BCAS4: variants seen among roughly 807,000 people sequenced by gnomAD.
BCAS4 encodes breast carcinoma amplified sequence 4.
In BCAS4, 9 loss-of-function variants were observed where a neutral mutation model predicts 15.7. That is an observed-to-expected ratio of 0.57 (90% confidence interval 0.34 to 1.00). BCAS4 has a LOEUF of 1.00. Ranked by LOEUF, BCAS4 falls within the 50% of genes least tolerant of loss-of-function variation. The pLI, the probability that BCAS4 is intolerant of heterozygous loss-of-function variation, is 0.02. For synonymous variants in BCAS4, 101 were observed against 99.5 expected, an observed-to-expected ratio of 1.02 and a Z score of -0.09; for missense variants, 225 against 239.1, an observed-to-expected ratio of 0.94 and a Z score of 0.39.
chr20:50,817,748 C>T lies in BCAS4; in HGVS notation c.91-463C>T, dbSNP rs554667083. ...TTTTGGTATGGTTTGTATCTGACACCGTCTGCAGCTTGCTTTTCCTCTCCG... is the reference window on the plus strand; with the variant it reads ...TTTTGGTATGGTTTGTATCTGACACTGTCTGCAGCTTGCTTTTCCTCTCCG... On this transcript the variant is annotated intron_variant, in intron 1 of 4. Coordinates refer to ENST00000371608, the MANE Select transcript of BCAS4 (RefSeq NM_198799.4). 2.0e-5 allele frequency among the ~76,000 whole-genome samples: 3 copies of T among 152,094 alleles called. No individual in the cohort carries two copies. The East Asian group carries it at 5.8e-4, about 30-fold the overall frequency.
intron 3 of BCAS4, among the ~76,000 whole-genome samples, chr20:50,837,856 G>T (rs1261900301): frequency 6.6e-6 from 1 of 152,246 alleles, no homozygotes; most frequent in African/African-American, 2.4e-5. Flanking sequence ...CTGGAGGAAG[G>T]GGAGTCGGCA....
intron 1 of BCAS4, among the ~76,000 whole-genome samples, chr20:50,807,458 T>A (rs1600848281): frequency 6.6e-6 from 1 of 152,346 alleles, no homozygotes; most frequent in East Asian, 1.9e-4. Context: ...CCTTCCAAAG[T>A]GCTGGGATTA....
chr20:50,810,757 A>C (rs111629477), intron 1 of BCAS4, among the ~76,000 whole-genome samples: 6,824 of 151,824 alleles, frequency 0.045, 230 homozygotes, highest in African/African-American at 0.093. Context: ...CGCCCGGCTA[A>C]TTTTTTGTAT....
In BCAS4 at chr20:50,851,073, TG is replaced by T. The variant is rs11475428; in HGVS notation, c.399+9179del. Reference sequence around the variant, plus strand: ...CCTTCCTGTCCAGCCCTGCAAGTGGTGGGGGGTGCTGGGTCTCTCCCCTGCA... The same window carrying T: ...CCTTCCTGTCCAGCCCTGCAAGTGGTGGGGGTGCTGGGTCTCTCCCCTGCA... On this transcript the variant is annotated intron_variant, in intron 4 of 4. Coordinates refer to ENST00000371608, the MANE Select transcript of BCAS4 (RefSeq NM_198799.4). The surrounding 1 kb of genome is among the most constrained non-coding windows in gnomAD (Gnocchi z 4.3). Among the ~76,000 whole-genome samples, 151,822 of 151,822 alleles carry T rather than the reference TG, an allele frequency of 1. 75,911 individuals are homozygous for T. Among genetic ancestry groups the T allele is most frequent in the Non-Finnish European group, 1 (67,964 of 67,964 alleles).
chr20:50,867,301 C>T (rs1273747776), intron 4 of BCAS4, among the ~76,000 whole-genome samples: 1 of 152,118 alleles, frequency 6.6e-6, no homozygotes, highest in South Asian at 2.1e-4. Flanking sequence ...CTCAGACCTG[C>T]CTGTTTTGTT....
At chr20:50,873,575 C>T (rs991334134) in intron 4 of BCAS4, among the ~76,000 whole-genome samples, 1 of 152,244 alleles carries the variant, frequency 6.6e-6, no homozygotes. Flanking sequence ...GGTGAAATTC[C>T]ACACCTGTGG....
chr20:50,797,387 A>G (rs1600840100), intron 1 of BCAS4, among the ~76,000 whole-genome samples: 1 of 152,212 alleles, frequency 6.6e-6, no homozygotes, highest in South Asian at 2.1e-4. Context: ...TGTGAATTAT[A>G]TCTCAATTTA....
chr20:50,870,403 G>C (rs1979578155), intron 4 of BCAS4, among the ~76,000 whole-genome samples: 1 of 152,224 alleles, frequency 6.6e-6, no homozygotes, highest in Admixed American at 6.5e-5. Context: ...CTGACTGGGG[G>C]GCTTCAGAGG....
chr20:50,821,686 C>G (rs1366499710), intron 2 of BCAS4, among the ~76,000 whole-genome samples: 1 of 152,214 alleles, frequency 6.6e-6, no homozygotes, highest in Non-Finnish European at 1.5e-5. Flanking sequence ...CGAGAGAAGG[C>G]AGGCCCTGGG....
rs538564952 is a variant in BCAS4 at position 50,852,383 on chromosome 20, T to C, written c.399+10483T>C. ...TTGTGGCTTTGTGTGTGTGTGTGTG[T>C]GTGTTTTCTTTTTTCTTTTTTATAG... is the stretch of plus-strand genomic sequence containing the variant. On this transcript the variant is annotated intron_variant, in intron 4 of 4. Transcript: ENST00000371608. Among the ~76,000 whole-genome samples the C allele has an allele frequency of 3.3e-5, 5 of 151,806 alleles. No homozygotes were observed. The South Asian group carries it at 1.0e-3, about 32-fold the overall frequency.
At chr20:50,807,434 T>A (rs972033321) in intron 1 of BCAS4, among the ~76,000 whole-genome samples, 1 of 152,362 alleles carries the variant, frequency 6.6e-6, no homozygotes, top group Non-Finnish European at 1.5e-5. Context: ...CCTCAAGTGA[T>A]CTGCCTGCCT....
At chr20:50,855,290 C>G (rs1978696584) in intron 4 of BCAS4, among the ~76,000 whole-genome samples, 1 of 152,192 alleles carries the variant, frequency 6.6e-6, no homozygotes, top group Non-Finnish European at 1.5e-5. Flanking sequence ...TCTGGTCTGT[C>G]TCTATCTTTG....
intron 2 of BCAS4, among the ~76,000 whole-genome samples, chr20:50,822,636 G>T (rs1483598774): frequency 2.0e-4 from 28 of 140,412 alleles, no homozygotes; most frequent in South Asian, 6.8e-4. Flanking sequence ...TTTCTTACAG[G>T]TTTTTTTTTT....
At chr20:50,831,818 GA>G (rs1314503687) in intron 3 of BCAS4, among the ~76,000 whole-genome samples, 20 of 152,318 alleles carry the variant, frequency 1.3e-4, no homozygotes, top group Non-Finnish European at 2.4e-4. Context: ...CACCTGGCCA[GA>G]GGGAACGTGA....
intron 4 of BCAS4, among the ~76,000 whole-genome samples, chr20:50,872,263 CAAAA>C (rs71192504): frequency 8.0e-5 from 5 of 62,734 alleles, no homozygotes; most frequent in African/African-American, 1.7e-4. Flanking sequence ...GACTCTGTCT[CAAAA>C]AAAAAAAAAA....
intron 2 of BCAS4, among the ~76,000 whole-genome samples, chr20:50,826,420 GCT>G (rs748946955): frequency 1.1e-4 from 16 of 152,288 alleles, no homozygotes; most frequent in Admixed American, 3.9e-4. Context: ...TGCCAAAGCT[GCT>G]GACTTAAGAG....
chr20:50,829,429 G>C (rs2088316300), intron 2 of BCAS4, among the ~76,000 whole-genome samples: 1 of 152,062 alleles, frequency 6.6e-6, no homozygotes, highest in South Asian at 2.1e-4. Context: ...TTTTAGTAGA[G>C]ACGGGGTTTC....
At chr20:50,881,785 C>G (rs1980121289), downstream of BCAS4, 1 of 152,096 alleles carries the variant, frequency 6.6e-6, no homozygotes. Flanking sequence ...CTCAGGCACC[C>G]AAGTAGCTGG....
chr20:50,807,741 T>C (rs574564279), intron 1 of BCAS4, among the ~76,000 whole-genome samples: 1 of 152,284 alleles, frequency 6.6e-6, no homozygotes, highest in African/African-American at 2.4e-5. Flanking sequence ...AGCTCTCACT[T>C]ACGAGTGAGA....
Sources: allele counts gnomAD v4.1 joint callset (sites outside exome capture counted in the v4.1 genomes callset), GRCh38; gene constraint gnomAD v4.1.1; non-coding constraint Gnocchi (gnomAD v3.1); transcripts MANE v1.5; gene names NCBI Gene and HGNC (gene_info 2026-07-23, HGNC 2026-07-21).